The following SH3BGRL2 variants were observed in gnomAD, a reference collection of about 807,000 sequenced individuals.
SH3BGRL2 encodes the protein SH3 domain binding glutamate rich protein like 2.
SH3BGRL2 carries 21 observed loss-of-function variants against 14.8 expected under a neutral mutation model. That is an observed-to-expected ratio of 1.42 (90% confidence interval 1.01 to 2.05). The LOEUF (loss-of-function observed/expected upper bound fraction) is 2.05. Among genes scored for constraint, SH3BGRL2 ranks in the 30% most tolerant of loss-of-function variants. The pLI is 0.00. For synonymous variants in SH3BGRL2, 50 were observed against 47.8 expected (o/e 1.05, Z -0.19); for missense variants, 147 against 130.8 (o/e 1.12, Z -0.61).
chr6:79,697,907 C>T (rs1770365834), intron 3 of SH3BGRL2, among the ~76,000 whole-genome samples: 1 of 152,126 alleles, frequency 6.6e-6, no homozygotes, highest in Non-Finnish European at 1.5e-5. Context: ...TCCCATTTTC[C>T]CCAAATATGT....
At chr6:79,650,680 T>C (rs981301124) in intron 1 of SH3BGRL2, among the ~76,000 whole-genome samples, 6 of 152,082 alleles carry the variant, frequency 3.9e-5, no homozygotes, top group Admixed American at 2.0e-4. Context: ...TGTGGTCAGA[T>C]TGGCATCAAG....
intron 1 of SH3BGRL2, among the ~76,000 whole-genome samples, chr6:79,645,485 C>A (rs928018527): frequency 6.6e-6 from 1 of 152,138 alleles, no homozygotes; most frequent in Non-Finnish European, 1.5e-5. Flanking sequence ...TGCCCCCTTG[C>A]CTTAGGGCCT....
At chr6:79,608,998 GTGGGTGTAGCACTCTA>G in the SH3BGRL2 span, among the ~76,000 whole-genome samples, 1 of 152,206 alleles carries the variant, frequency 6.6e-6, no homozygotes, top group African/African-American at 2.4e-5. Flanking sequence ...TGGGGAGGCT[GTGGGTGTAGCACTCTA>G]TGGTCTTAAC....
At chr6:79,630,630 G>A (rs114605230), upstream of SH3BGRL2, among the ~76,000 whole-genome samples, 2,591 of 152,252 alleles carry the variant, frequency 0.017, 72 homozygotes, top group African/African-American at 0.059. Flanking sequence ...GGTGGGGCAG[G>A]TAGGGTCCTG....
At chr6:79,618,907 A>T in the SH3BGRL2 span, among the ~76,000 whole-genome samples, 1 of 148,996 alleles carries the variant, frequency 6.7e-6, no homozygotes, top group Non-Finnish European at 1.5e-5. Context: ...ACAGAGTGAG[A>T]CTCTGTCAAA....
chr6:79,544,649 G>A, the SH3BGRL2 span, among the ~76,000 whole-genome samples: 3 of 152,036 alleles, frequency 2.0e-5, no homozygotes, highest in Non-Finnish European at 4.4e-5. Context: ...TAGATGTGCT[G>A]CATTTTGATA....
At chr6:79,610,102 A>AT in the SH3BGRL2 span, among the ~76,000 whole-genome samples, 1 of 152,158 alleles carries the variant, frequency 6.6e-6, no homozygotes, top group African/African-American at 2.4e-5. Context: ...TTTTGCTGAC[A>AT]TTTTTATCTG....
chr6:79,684,358 C>G (rs1173450056), intron 2 of SH3BGRL2, among the ~76,000 whole-genome samples: 1 of 152,116 alleles, frequency 6.6e-6, no homozygotes, highest in Non-Finnish European at 1.5e-5. Context: ...TGCCTTATTA[C>G]TGCTAGTATG....
At chr6:79,598,044 A>T in the SH3BGRL2 span, among the ~76,000 whole-genome samples, 20 of 152,214 alleles carry the variant, frequency 1.3e-4, no homozygotes, top group Non-Finnish European at 1.2e-4. Context: ...GTAAATCAAA[A>T]CCAAATTGAG....
chr6:79,612,037 C>T, the SH3BGRL2 span, among the ~76,000 whole-genome samples: 5 of 152,166 alleles, frequency 3.3e-5, no homozygotes, highest in African/African-American at 1.2e-4. Context: ...CTGGCTCACA[C>T]CTGTAATCTC....
the SH3BGRL2 span, among the ~76,000 whole-genome samples, chr6:79,589,175 A>G: frequency 2.7e-5 from 4 of 148,778 alleles, no homozygotes; most frequent in Non-Finnish European, 5.9e-5. Flanking sequence ...CATGTTCAGT[A>G]CAGGTGAAAT....
chr6:79,662,677 A>T (rs1431234527), intron 1 of SH3BGRL2, among the ~76,000 whole-genome samples: 1 of 152,044 alleles, frequency 6.6e-6, no homozygotes, highest in African/African-American at 2.4e-5. Flanking sequence ...TGTTTCCTGA[A>T]TTTGAATGTT....
At chr6:79,647,867 T>C (rs1769174944) in intron 1 of SH3BGRL2, among the ~76,000 whole-genome samples, 1 of 152,116 alleles carries the variant, frequency 6.6e-6, no homozygotes, top group Non-Finnish European at 1.5e-5. Flanking sequence ...AATACATAAA[T>C]TTGATTTGTA....
chr6:79,582,917 A>G, the SH3BGRL2 span, among the ~76,000 whole-genome samples: 1 of 152,220 alleles, frequency 6.6e-6, no homozygotes, highest in Non-Finnish European at 1.5e-5. Context: ...AGAATCTACA[A>G]AGAACTCAAA....
In SH3BGRL2 at chr6:79,699,759, C is replaced by G; in HGVS notation, c.*250C>G. 2.2e-6 allele frequency: 1 copy of G among 444,648 alleles called. No homozygotes were observed. The highest frequency in any genetic ancestry group is 3.9e-6 in the Non-Finnish European group (1 of 257,034). 27.5% of individuals were successfully genotyped at this position (444,648 alleles called of 1,614,324 possible). ...CAGTTGCCTCACTCACCTGGAAATA[C>G]CGTCACCTGTTACAGGTGTACTTTC... On this transcript the variant is annotated 3_prime_UTR_variant, in exon 4 of 4. Transcript: ENST00000369838.
chr6:79,565,205 T>G, the SH3BGRL2 span, among the ~76,000 whole-genome samples: 1 of 152,188 alleles, frequency 6.6e-6, no homozygotes, highest in African/African-American at 2.4e-5. Flanking sequence ...TCAGTATTAA[T>G]CTCCATTCTC....
the SH3BGRL2 span, among the ~76,000 whole-genome samples, chr6:79,609,379 G>A: frequency 1.3e-5 from 2 of 152,174 alleles, no homozygotes; most frequent in South Asian, 4.1e-4. Context: ...GAATGGTCAT[G>A]CCTGATGCTG....
At chr6:79,592,445 G>A in the SH3BGRL2 span, among the ~76,000 whole-genome samples, 1 of 152,148 alleles carries the variant, frequency 6.6e-6, no homozygotes, top group Non-Finnish European at 1.5e-5. Context: ...GTGAAAGTAG[G>A]AGCTTATATA....
intron 1 of SH3BGRL2, among the ~76,000 whole-genome samples, chr6:79,650,509 T>C (rs1769265872): frequency 6.6e-6 from 1 of 152,194 alleles, no homozygotes; most frequent in African/African-American, 2.4e-5. Flanking sequence ...ACAAGAAACA[T>C]GGCACCAGCA....
Sources: gnomAD v4.1 joint callset for allele counts (sites outside exome capture counted in the v4.1 genomes callset) on GRCh38, gnomAD v4.1.1 for gene constraint, MANE v1.5 for transcripts, NCBI Gene and HGNC (gene_info 2026-07-23, HGNC 2026-07-21) for gene names.